The following ATXN7L1 variants were observed in gnomAD, a reference collection of about 807,000 sequenced individuals.
ATXN7L1 encodes the protein ataxin 7 like 1.
Under a neutral mutation model 70.8 loss-of-function variants are expected in ATXN7L1, and 15 were observed. That is an observed-to-expected ratio of 0.21 (90% confidence interval 0.14 to 0.33). ATXN7L1 has a LOEUF of 0.33. Among genes scored for constraint, ATXN7L1 ranks in the 10% least tolerant of loss-of-function variants. ATXN7L1 has a pLI of 1.00. For missense variants in ATXN7L1, 975 were observed against 1,097.1 expected (o/e 0.89, Z 1.57); for synonymous variants, 440 against 445.1 (o/e 0.99, Z 0.14).
chr7:105,863,163 C>T (rs540557865), intron 2 of ATXN7L1, among the ~76,000 whole-genome samples: 2 of 152,206 alleles, frequency 1.3e-5, no homozygotes, highest in Non-Finnish European at 2.9e-5. Context: ...GAGAAATCAT[C>T]ACTCTAGATA....
chr7:105,700,681 CTAT>C (rs916149892), intron 3 of ATXN7L1, among the ~76,000 whole-genome samples: 1 of 151,716 alleles, frequency 6.6e-6, no homozygotes, highest in East Asian at 1.9e-4. Context: ...TGCCTTTGCT[CTAT>C]TATTATTATT....
At chr7:105,867,988 G>A (rs1182438106) in intron 2 of ATXN7L1, among the ~76,000 whole-genome samples, 1 of 152,154 alleles carries the variant, frequency 6.6e-6, no homozygotes, top group Admixed American at 6.5e-5. Flanking sequence ...TGGTGCCACT[G>A]GTGAGAAATA....
chr7:105,733,629 TCCAC>T lies in ATXN7L1; in HGVS notation c.355+54971_355+54974del, dbSNP rs1563049020. On this transcript the variant is annotated intron_variant, in intron 3 of 11. Coordinates refer to ENST00000419735, the MANE Select transcript of ATXN7L1 (RefSeq NM_020725.2). Reference sequence around the variant, plus strand: ...ACCCATCCATCCATCCATCCATCCATCCACCCATCCATCCATCCATCCATCCATC... The same window carrying T: ...ACCCATCCATCCATCCATCCATCCATCCATCCATCCATCCATCCATCCATC... 2.9e-3 allele frequency among the ~76,000 whole-genome samples: 220 copies of T among 76,550 alleles called. 23 individuals are homozygous for T. The highest frequency in any genetic ancestry group is 4.0e-3 in the Admixed American group (30 of 7,522). The allele number at this position is 76,550 out of a possible 152,430, so 50.2% of individuals were successfully genotyped here. A position where few individuals can be genotyped will look rare whatever the true frequency, so the allele number is the denominator to read the frequency against.
chr7:105,780,711 T>TA (rs763728834), intron 3 of ATXN7L1, among the ~76,000 whole-genome samples: 3 of 151,648 alleles, frequency 2.0e-5, no homozygotes, highest in South Asian at 2.1e-4. Flanking sequence ...CTTTTGCCTT[T>TA]AAAAAAAAAT....
chr7:105,765,659 G>A (rs1049953370), intron 3 of ATXN7L1, among the ~76,000 whole-genome samples: 2 of 152,172 alleles, frequency 1.3e-5, no homozygotes, highest in Non-Finnish European at 1.5e-5. Flanking sequence ...TGAAATCCCC[G>A]GCTAAAGCTT....
rs188266335 is a variant in ATXN7L1, at chr7:105,672,502, C to T, written c.356-7214G>A. ...GATTATTTAGCTATTCTCGTACTGT[C>T]GACCTACTATTTGTCTTTTAAAAAA... On this transcript the variant is annotated intron_variant, in intron 3 of 11. Transcript: ENST00000419735. Among the ~76,000 whole-genome samples, 423 of 152,296 alleles carry T rather than the reference C, an allele frequency of 2.8e-3. 6 individuals are homozygous for T. Among genetic ancestry groups the T allele is most frequent in the African/African-American group, 9.5e-3 (396 of 41,562 alleles).
chr7:105,823,596 A>C (rs567101607), intron 2 of ATXN7L1, among the ~76,000 whole-genome samples: 1 of 152,224 alleles, frequency 6.6e-6, no homozygotes, highest in African/African-American at 2.4e-5. Flanking sequence ...TGGTTCCACT[A>C]TCTGTTGATT....
chr7:105,614,344 T>G lies in ATXN7L1; in HGVS notation c.1990A>C (p.Thr664Pro). 6.4e-7 allele frequency: 1 copy of G among 1,552,314 alleles called. No individual in the cohort carries two copies. Among genetic ancestry groups the G allele is most frequent in the Non-Finnish European group, 8.7e-7 (1 of 1,147,138 alleles). ...SSSSSSSSLQ[T>P]SLSSPLSGPH... ...CCTGACAGTGGAGACGAGAGGGATG[T>G]CTGCAAGGAAGAGGAGGAGGAGGAG... Residue 664 changes from threonine to proline, a missense_variant, in exon 10 of 12, where the codon ACA (threonine) becomes CCA (proline). By Grantham distance (38) the Thr-to-Pro change is conservative. Transcript: ENST00000419735. This position sits in a 1 kb window ranked among gnomAD's most constrained non-coding sequence, Gnocchi z 4.3.
chr7:105,647,477 G>T (rs1208907714), intron 4 of ATXN7L1, among the ~76,000 whole-genome samples: 2 of 152,106 alleles, frequency 1.3e-5, no homozygotes, highest in Non-Finnish European at 2.9e-5. Context: ...GTGATACCCC[G>T]TCTCTACTAA....
intron 3 of ATXN7L1, among the ~76,000 whole-genome samples, chr7:105,730,088 T>C (rs35344147): frequency 0.36 from 54,322 of 151,814 alleles, 10,394 homozygotes; most frequent in African/African-American, 0.5. Flanking sequence ...TTCCAGAGAG[T>C]ACAGCATGGA....
At chr7:105,814,252 T>G (rs1043811190) in intron 2 of ATXN7L1, among the ~76,000 whole-genome samples, 5 of 152,144 alleles carry the variant, frequency 3.3e-5, no homozygotes, top group Admixed American at 2.6e-4. Context: ...CCCCTGAAAT[T>G]GACTTGGCAA....
chr7:105,870,372 A>G (rs1307235025), intron 2 of ATXN7L1, among the ~76,000 whole-genome samples: 1 of 152,300 alleles, frequency 6.6e-6, no homozygotes, highest in East Asian at 1.9e-4. Context: ...GGTTTACTCT[A>G]AAAATAAAGT....
intron 5 of ATXN7L1, among the ~76,000 whole-genome samples, chr7:105,641,209 TCTCTC>T (rs1435897637): frequency 9.5e-6 from 1 of 105,768 alleles, no homozygotes; most frequent in African/African-American, 3.6e-5. Flanking sequence ...TCTCTCTCTC[TCTCTC>T]TTTTTTTTTT....
At chr7:105,813,013 A>G (rs1418703644) in intron 2 of ATXN7L1, among the ~76,000 whole-genome samples, 3 of 152,164 alleles carry the variant, frequency 2.0e-5, no homozygotes, top group African/African-American at 7.2e-5. Context: ...AAAACAAGAC[A>G]AAACCAAACC....
At chr7:105,682,989 G>A (rs887867471) in intron 3 of ATXN7L1, among the ~76,000 whole-genome samples, 9 of 152,186 alleles carry the variant, frequency 5.9e-5, no homozygotes, top group Non-Finnish European at 1.2e-4. Flanking sequence ...TAAGAGCAAG[G>A]ATAATCTACA....
intron 4 of ATXN7L1, among the ~76,000 whole-genome samples, chr7:105,656,291 T>A (rs1187157946): frequency 6.6e-6 from 1 of 152,230 alleles, no homozygotes; most frequent in East Asian, 1.9e-4. Flanking sequence ...CAGCCATAAC[T>A]CCTTCTTGAT....
At chr7:105,860,241 T>C (rs1014261944) in intron 2 of ATXN7L1, among the ~76,000 whole-genome samples, 2 of 150,516 alleles carry the variant, frequency 1.3e-5, no homozygotes, top group Non-Finnish European at 3.0e-5. Context: ...AACCTTTTTA[T>C]ACATGTGAAA....
intron 4 of ATXN7L1, among the ~76,000 whole-genome samples, chr7:105,660,306 G>A (rs928877854): frequency 1.3e-5 from 2 of 152,094 alleles, no homozygotes; most frequent in African/African-American, 4.8e-5. Flanking sequence ...CCAGGGTGAA[G>A]TCCAAATTCC....
intron 2 of ATXN7L1, among the ~76,000 whole-genome samples, chr7:105,820,592 G>A (rs1809994045): frequency 6.6e-6 from 1 of 152,166 alleles, no homozygotes; most frequent in Admixed American, 6.5e-5. Context: ...CAGTAAAAGG[G>A]CAGGGTTGGG....
Sources: allele counts gnomAD v4.1 joint callset (sites outside exome capture counted in the v4.1 genomes callset), GRCh38; gene constraint gnomAD v4.1.1; non-coding constraint Gnocchi (gnomAD v3.1); transcripts MANE v1.5; gene names NCBI Gene and HGNC (gene_info 2026-07-23, HGNC 2026-07-21).